GMPS: variants seen among roughly 807,000 people sequenced by gnomAD.
GMPS encodes the protein guanosine monophosphate synthase, also known as GMP synthase [glutamine-hydrolyzing].
In GMPS, 15 loss-of-function variants were observed where a neutral mutation model predicts 77.9. That is an observed-to-expected ratio of 0.19 (90% confidence interval 0.13 to 0.30). The LOEUF (loss-of-function observed/expected upper bound fraction) is 0.30, where lower values mean the gene tolerates loss of function less well. GMPS is among the 10% of genes least tolerant of loss of function. The pLI is 1.00. For missense variants in GMPS, 590 were observed against 838.8 expected (o/e 0.70, Z 3.66); for synonymous variants, 224 against 275.9 (o/e 0.81, Z 1.86).
Position 155,917,783 on chromosome 3 carries a change from G to A in GMPS, c.1213-1450G>A, listed in dbSNP as rs186722706. Among the ~76,000 whole-genome samples the A allele has an allele frequency of 3.7e-4, 56 of 152,234 alleles. 1 individual carries two copies. The highest frequency in any genetic ancestry group is 3.5e-3 in the South Asian group (17 of 4,822). On this transcript the variant is annotated intron_variant, in intron 9 of 15. Transcript: ENST00000496455. Reference sequence around the variant, plus strand: ...AGCTCCTTGGGAGGCTGAGGCAGGAGAATGGCTTGAACCCTGGAGGCGGAG... The same window carrying A: ...AGCTCCTTGGGAGGCTGAGGCAGGAAAATGGCTTGAACCCTGGAGGCGGAG...
At chr3:155,932,539 A>G (rs1327264001) in intron 13 of GMPS, among the ~76,000 whole-genome samples, 3 of 152,182 alleles carry the variant, frequency 2.0e-5, no homozygotes, top group South Asian at 4.1e-4. Context: ...TCTATTTCTA[A>G]TCCTCAATTT....
Position 155,870,676 on chromosome 3 carries a change from C to T in GMPS, c.-195C>T, listed in dbSNP as rs1016983590. 2.4e-5 allele frequency: 12 copies of T among 504,398 alleles called. No homozygotes were observed. Among genetic ancestry groups the T allele is most frequent in the Non-Finnish European group, 4.2e-5 (12 of 284,114 alleles). The allele number at this position is 504,398 out of a possible 1,614,324, so 31.2% of individuals were successfully genotyped here. A position where few individuals can be genotyped will look rare whatever the true frequency, so the allele number is the denominator to read the frequency against. ...GCGTGCGCGCTGCTGGTCTTCTCTC[C>T]CGCGGCGCTGGGGCCCGCGCTCCGC... On this transcript the variant is annotated 5_prime_UTR_variant, in exon 1 of 16. Transcript: ENST00000496455.
intron 3 of GMPS, among the ~76,000 whole-genome samples, chr3:155,899,364 T>G (rs1171339601): frequency 6.7e-6 from 1 of 149,892 alleles, no homozygotes; most frequent in South Asian, 2.1e-4. Flanking sequence ...GCAAAACTCC[T>G]TCTCAAAAAA....
chr3:155,929,106 C>T (rs1291626394), intron 12 of GMPS, among the ~76,000 whole-genome samples: 2 of 151,522 alleles, frequency 1.3e-5, no homozygotes, highest in Admixed American at 1.3e-4. Flanking sequence ...CCTGAGGAAT[C>T]GCCACACTGA....
At chr3:155,909,347 T>C (rs936979819) in intron 5 of GMPS, among the ~76,000 whole-genome samples, 6 of 152,206 alleles carry the variant, frequency 3.9e-5, no homozygotes, top group African/African-American at 1.4e-4. Context: ...AAGTCTAATA[T>C]ATGAGATTCT....
chr3:155,916,237 G>C lies in GMPS; in HGVS notation c.1212+45G>C, dbSNP rs943659722. 4 of 1,222,360 alleles carry C rather than the reference G, an allele frequency of 3.3e-6. No individual in the cohort carries two copies. The African/African-American group carries it at 6.0e-5, about 18-fold the overall frequency. 75.7% of individuals were successfully genotyped at this position (1,222,360 alleles called of 1,614,324 possible). A position where few individuals can be genotyped will look rare whatever the true frequency, so the allele number is the denominator to read the frequency against. On this transcript the variant is annotated intron_variant, in intron 9 of 15. Coordinates refer to ENST00000496455, the MANE Select transcript of GMPS (RefSeq NM_003875.3). ...TTTTCATAAAGTAGATACATGGAAA[G>C]TCTTCCATTCTTCCCTCCTCTTCCC... is the stretch of plus-strand genomic sequence containing the variant.
intron 1 of GMPS, among the ~76,000 whole-genome samples, chr3:155,888,705 C>G (rs369254120): frequency 1.3e-5 from 2 of 152,110 alleles, no homozygotes; most frequent in South Asian, 2.1e-4. Context: ...CCTGCCTCAG[C>G]CTCCCAAGTA....
chr3:155,897,521 A>G (rs1325892703), intron 2 of GMPS, among the ~76,000 whole-genome samples: 1 of 152,082 alleles, frequency 6.6e-6, no homozygotes, highest in African/African-American at 2.4e-5. Flanking sequence ...CCTTCATAAT[A>G]CCTTCAGTTG....
At chr3:155,874,471 T>G (rs892732538) in intron 1 of GMPS, among the ~76,000 whole-genome samples, 1 of 152,248 alleles carries the variant, frequency 6.6e-6, no homozygotes, top group African/African-American at 2.4e-5. Flanking sequence ...TTATCTGGGA[T>G]GTACTGAGAA....
Position 155,937,898 on chromosome 3 carries a change from C to T in GMPS, c.*206C>T, listed in dbSNP as rs1755799075. On this transcript the variant is annotated 3_prime_UTR_variant, in exon 16 of 16. Coordinates refer to ENST00000496455, the MANE Select transcript of GMPS (RefSeq NM_003875.3). The stretch of plus-strand genomic sequence containing the variant: ...TTTGTACGGGTAAATAATCAAAGCA[C>T]CATTGCCTACACTCAGACAGATTGA... 12 of 501,664 alleles carry T rather than the reference C, an allele frequency of 2.4e-5. No homozygotes were observed. The highest frequency in any genetic ancestry group is 4.2e-5 in the Non-Finnish European group (12 of 284,994). The allele number at this position is 501,664 out of a possible 1,614,324, so 31.1% of individuals were successfully genotyped here. A position where few individuals can be genotyped will look rare whatever the true frequency, so the allele number is the denominator to read the frequency against.
Position 155,901,132 on chromosome 3 carries a change from A to G in GMPS, c.325-2731A>G, listed in dbSNP as rs116223010. Among the ~76,000 whole-genome samples, 6 of 152,316 alleles carry G rather than the reference A, an allele frequency of 3.9e-5. No homozygotes were observed. In the East Asian group the frequency reaches 5.8e-4, roughly 15 times the overall value. On this transcript the variant is annotated intron_variant, in intron 3 of 15. Coordinates refer to ENST00000496455, the MANE Select transcript of GMPS (RefSeq NM_003875.3). ...AGCTTTTGAAACTTTGTATGTCTCCATTCACATTCTTCTCTTCCTATCAGA... is the reference window on the plus strand; with the variant it reads ...AGCTTTTGAAACTTTGTATGTCTCCGTTCACATTCTTCTCTTCCTATCAGA...
At position 155,940,441 on chromosome 3, in the gene GMPS, A is replaced by T; in HGVS notation, c.*2749A>T. On this transcript the variant is annotated 3_prime_UTR_variant, in exon 16 of 16. Transcript: ENST00000496455. ...TAAACTGCATGCATTTAGTCAAACA[A>T]GCATCATAAAATTTGTTTCCTCACT... The T allele has an allele frequency of 4.8e-6, 1 of 208,762 alleles. No individual in the cohort carries two copies. Among genetic ancestry groups the T allele is most frequent in the Non-Finnish European group, 9.7e-6 (1 of 102,864 alleles). 12.9% of individuals were successfully genotyped at this position (208,762 alleles called of 1,614,324 possible).
chr3:155,930,637 C>T (rs1414581443), intron 12 of GMPS, among the ~76,000 whole-genome samples: 1 of 152,164 alleles, frequency 6.6e-6, no homozygotes, highest in Non-Finnish European at 1.5e-5. Flanking sequence ...TATCCAGAAT[C>T]TACAGTGAAC....
intron 1 of GMPS, among the ~76,000 whole-genome samples, chr3:155,884,525 A>C (rs1300953658): frequency 6.6e-6 from 1 of 152,194 alleles, no homozygotes; most frequent in African/African-American, 2.4e-5. Context: ...TATTGCCTTA[A>C]CTTTCTGGAA....
chr3:155,904,750 G>C (rs1754828244), intron 4 of GMPS, among the ~76,000 whole-genome samples: 1 of 152,158 alleles, frequency 6.6e-6, no homozygotes, highest in South Asian at 2.1e-4. Flanking sequence ...CTTATTTCAT[G>C]TGACTCATCT....
chr3:155,883,542 C>G (rs998565916), intron 1 of GMPS, among the ~76,000 whole-genome samples: 3 of 152,190 alleles, frequency 2.0e-5, no homozygotes, highest in Middle Eastern at 3.4e-3. Context: ...ATTTTAAGGT[C>G]ATCTTTATTA....
chr3:155,909,965 C>T (rs1249525298), intron 5 of GMPS, among the ~76,000 whole-genome samples: 3 of 151,580 alleles, frequency 2.0e-5, no homozygotes, highest in Non-Finnish European at 4.4e-5. Flanking sequence ...ATAAAATAGG[C>T]CGGGCGCAGT....
chr3:155,875,385 C>T (rs905762231), intron 1 of GMPS, among the ~76,000 whole-genome samples: 1 of 152,022 alleles, frequency 6.6e-6, no homozygotes, highest in Non-Finnish European at 1.5e-5. Flanking sequence ...CGCATGCCGC[C>T]GTGCCTGGCT....
chr3:155,878,156 C>T (rs1754104371), intron 1 of GMPS, among the ~76,000 whole-genome samples: 1 of 152,136 alleles, frequency 6.6e-6, no homozygotes, highest in African/African-American at 2.4e-5. Flanking sequence ...AAGACCTCAC[C>T]TCTTAATATT....
Sources: allele counts gnomAD v4.1 joint callset (sites outside exome capture counted in the v4.1 genomes callset), GRCh38; gene constraint gnomAD v4.1.1; transcripts MANE v1.5; gene names NCBI Gene and HGNC (gene_info 2026-07-23, HGNC 2026-07-21).